CLCC1: variants seen among roughly 807,000 people sequenced by gnomAD.
CLCC1 encodes the protein chloride channel CLIC-like protein 1.
A neutral mutation model predicts 63.3 loss-of-function variants in CLCC1; 39 were observed. The observed-to-expected ratio is 0.62, with a 90% CI of 0.48 to 0.81. The LOEUF (loss-of-function observed/expected upper bound fraction) is 0.81, where lower values mean the gene tolerates loss of function less well. Ranked by LOEUF, CLCC1 falls within the 30% of genes least tolerant of loss-of-function variation. The pLI is 0.00. For missense variants in CLCC1, 549 were observed against 669.4 expected (o/e 0.82, Z 1.98); for synonymous variants, 217 against 239.8 (o/e 0.90, Z 0.88).
intron 11 of CLCC1, 105 bp from the exon 12 acceptor site, chr1:108,935,047 A>G (rs1652679952): frequency 9.1e-7 from 1 of 1,102,548 alleles, no homozygotes; most frequent in Non-Finnish European, 1.3e-6. Flanking sequence ...GCAAGCTCCA[A>G]ACTCTTTCAA....
Position 108,932,478 on chromosome 1 carries a change from T to C in CLCC1, c.*69A>G, listed in dbSNP as rs1172250413. On this transcript the variant is annotated 3_prime_UTR_variant, in exon 13 of 13. Transcript: ENST00000369969. ...CATGTCGCCTTGCTAGCTGTCAAAG[T>C]AGACTTCATCCCCAAATGGATATCT... The C allele has an allele frequency of 6.6e-6, 1 of 152,212 alleles. No individual in the cohort carries two copies. Among genetic ancestry groups the C allele is most frequent in the South Asian group, 2.1e-4 (1 of 4,834 alleles). The allele number at this position is 152,212 out of a possible 1,614,324, so 9.4% of individuals were successfully genotyped here.
In CLCC1 at chr1:108,932,187, T is replaced by C. The variant is rs1652105400; in HGVS notation, c.*360A>G. The C allele has an allele frequency of 6.6e-6, 1 of 152,100 alleles. No homozygotes were observed. Among genetic ancestry groups the C allele is most frequent in the Admixed American group, 6.5e-5 (1 of 15,270 alleles). 9.4% of individuals were successfully genotyped at this position (152,100 alleles called of 1,614,324 possible). A position where few individuals can be genotyped will look rare whatever the true frequency, so the allele number is the denominator to read the frequency against. The stretch of plus-strand genomic sequence containing the variant: ...TACTCGGGAGACTGAGGCAGGAGAA[T>C]CTCTTGAACCTGGGAGGTGGAGGTT... On this transcript the variant is annotated 3_prime_UTR_variant, in exon 13 of 13. Transcript: ENST00000369969.
rs1651670688 is a variant in CLCC1, at chr1:108,930,115, G to A, written c.*2432C>T. ...CATTAATACTTCTCTGGACATGCGC[G>A]TTTGAGGGTGGAGGGGTCCTGTAAG... On this transcript the variant is annotated 3_prime_UTR_variant, in exon 13 of 13. Coordinates refer to ENST00000369969, the MANE Select transcript of CLCC1 (RefSeq NM_001377458.1). 3 of 632,892 alleles carry A rather than the reference G, an allele frequency of 4.7e-6. No individual in the cohort carries two copies. Among genetic ancestry groups the A allele is most frequent in the East Asian group, 2.8e-5 (1 of 35,966 alleles). 39.2% of individuals were successfully genotyped at this position (632,892 alleles called of 1,614,324 possible).
At chr1:108,954,055 T>C (rs1036501542) in intron 2 of CLCC1, among the ~76,000 whole-genome samples, 12 of 142,770 alleles carry the variant, frequency 8.4e-5, no homozygotes, top group Admixed American at 8.4e-4. Flanking sequence ...AACTAGAAAG[T>C]GGAAAGACTG....
In CLCC1 at chr1:108,949,843, T is replaced by C. The variant is rs1048854208; in HGVS notation, c.208A>G (p.Lys70Glu). ...ACCTTATAAGTTAAAGAATCAAGTT[T>C]GTGATAACATTCTGATATTTCATCA... Reference protein sequence around the residue: ...CADEISECYHKLDSLTYKIDE... With the variant: ...CADEISECYHELDSLTYKIDE... Residue 70 changes from lysine (K) to glutamate (E), a missense_variant, in exon 4 of 13, where the codon AAA becomes GAA. Transcript: ENST00000369969. 2 of 1,580,530 alleles carry C rather than the reference T, an allele frequency of 1.3e-6. No homozygotes were observed. Among genetic ancestry groups the C allele is most frequent in the Admixed American group, 1.8e-5 (1 of 54,954 alleles).
At chr1:108,954,817 C>CGTGTGTGTGTGTGTGTGTGT (rs58482013) in intron 2 of CLCC1, among the ~76,000 whole-genome samples, 14 of 140,602 alleles carry the variant, frequency 1.0e-4, no homozygotes, top group South Asian at 6.9e-4. Context: ...ACTGTCTTTG[C>CGTGTGTGTGTGTGTGTGTGT]GTGTGTGTGT....
intron 2 of CLCC1, among the ~76,000 whole-genome samples, chr1:108,950,929 A>C (rs535751815): frequency 6.6e-6 from 1 of 152,368 alleles, no homozygotes; most frequent in African/African-American, 2.4e-5. Flanking sequence ...TATATTAAAA[A>C]AATGCATATA....
rs181798173 is a variant in CLCC1, at chr1:108,936,121, C to T, written c.1383+956G>A. On this transcript the variant is annotated intron_variant, in intron 11 of 12. Transcript: ENST00000369969. Reference sequence around the variant, plus strand: ...TTTTTTTTTTTTTTTGAGACGACGTCTCACTCTGTCACCCAGGCTGGAGTG... The same window carrying T: ...TTTTTTTTTTTTTTTGAGACGACGTTTCACTCTGTCACCCAGGCTGGAGTG... Among the ~76,000 whole-genome samples, 96 of 123,366 alleles carry T rather than the reference C, an allele frequency of 7.8e-4. No individual in the cohort carries two copies. The East Asian group carries it at 0.02, about 25-fold the overall frequency. The allele number at this position is 123,366 out of a possible 152,430, so 80.9% of individuals were successfully genotyped here. A position where few individuals can be genotyped will look rare whatever the true frequency, so the allele number is the denominator to read the frequency against.
chr1:108,941,540 T>A (rs1310461648), intron 7 of CLCC1, 42 bp from the exon 8 acceptor site: 5 of 1,519,088 alleles, frequency 3.3e-6, no homozygotes, highest in Non-Finnish European at 4.6e-6. Flanking sequence ...CCGTTACCTA[T>A]GAAGGTTAGG....
At chr1:108,932,856 G>C (rs1331490130) in intron 12 of CLCC1, 1 of 152,318 alleles carries the variant, frequency 6.6e-6, no homozygotes, top group East Asian at 1.9e-4. Flanking sequence ...TCACGTTTCT[G>C]ATGAAATTCT....
chr1:108,957,929 G>A (rs921685143), intron 2 of CLCC1, among the ~76,000 whole-genome samples: 11 of 151,338 alleles, frequency 7.3e-5, no homozygotes, highest in African/African-American at 2.5e-4. Flanking sequence ...GCCAACATTC[G>A]GGGATCAGAA....
At chr1:108,947,029 T>C (rs896323492) in intron 5 of CLCC1, among the ~76,000 whole-genome samples, 6 of 152,094 alleles carry the variant, frequency 3.9e-5, no homozygotes, top group African/African-American at 1.4e-4. Context: ...CCAGGCATGG[T>C]GGCAGGTGCC....
intron 12 of CLCC1, chr1:108,933,453 T>C (rs532752771): frequency 1.3e-5 from 2 of 150,376 alleles, no homozygotes; most frequent in South Asian, 4.2e-4. Context: ...TAAAATTACA[T>C]TGTTACAGGC....
rs1250509077 is a variant in CLCC1 at position 108,934,578 on chromosome 1, T to G, written c.*45+47A>C. The G allele has an allele frequency of 5.8e-5, 84 of 1,447,218 alleles. No individual in the cohort carries two copies. In the East Asian group the frequency reaches 1.9e-3, roughly 33 times the overall value. The allele number at this position is 1,447,218 out of a possible 1,614,324, so 89.6% of individuals were successfully genotyped here. On this transcript the variant is annotated intron_variant, in intron 12 of 12. Coordinates refer to ENST00000369969, the MANE Select transcript of CLCC1 (RefSeq NM_001377458.1). ...GTTGAAGTTGGCACCTTTGTAGTAA[T>G]CAGAATTCTTGCAGAGAAGAGAAAG...
intron 10 of CLCC1, among the ~76,000 whole-genome samples, chr1:108,938,265 C>CT (rs2101630382): frequency 6.6e-6 from 1 of 152,270 alleles, no homozygotes; most frequent in South Asian, 2.1e-4. Context: ...TCAAACACTA[C>CT]TATTTGAAGA....
At chr1:108,945,979 A>G (rs1654478796) in intron 5 of CLCC1, among the ~76,000 whole-genome samples, 1 of 152,120 alleles carries the variant, frequency 6.6e-6, no homozygotes, top group Non-Finnish European at 1.5e-5. Flanking sequence ...CCTGGCTAAC[A>G]TGGTGAAATC....
At chr1:108,941,532 G>A (rs839550) in intron 7 of CLCC1, 34 bp from the exon 8 acceptor site, 35,811 of 1,571,384 alleles carry the variant, frequency 0.023, 529 homozygotes, top group South Asian at 0.058. Context: ...AGGAGAGGCC[G>A]TTACCTATGA....
At chr1:108,961,870 A>T (rs1038855580) in intron 2 of CLCC1, among the ~76,000 whole-genome samples, 5 of 152,154 alleles carry the variant, frequency 3.3e-5, no homozygotes, top group African/African-American at 1.2e-4. Context: ...AAAAAAAAAA[A>T]GTAGCTAATA....
chr1:108,951,200 C>T (rs1169763681), intron 2 of CLCC1, among the ~76,000 whole-genome samples: 1 of 152,022 alleles, frequency 6.6e-6, no homozygotes, highest in African/African-American at 2.4e-5. Context: ...GAGTTCAAGA[C>T]CAGGCTAGGT....
Sources: allele counts gnomAD v4.1 joint callset (sites outside exome capture counted in the v4.1 genomes callset), GRCh38; gene constraint gnomAD v4.1.1; transcripts MANE v1.5; gene names NCBI Gene and HGNC (gene_info 2026-07-23, HGNC 2026-07-21).